The following DLC1 variants were observed in gnomAD, a reference collection of about 807,000 sequenced individuals.
DLC1 encodes the protein DLC1 Rho GTPase activating protein.
A neutral mutation model predicts 140.3 loss-of-function variants in DLC1; 54 were observed. That is an observed-to-expected ratio of 0.38 (90% CI 0.31 to 0.48). The LOEUF (loss-of-function observed/expected upper bound fraction) is 0.48. Ranked by LOEUF, DLC1 falls within the 20% of genes least tolerant of loss-of-function variation. The pLI, the probability that DLC1 is intolerant of heterozygous loss-of-function variation, is 0.96. For missense variants in DLC1, 2,536 were observed against 1,907.0 expected, an observed-to-expected ratio of 1.33 and a Z score of -6.14; for synonymous variants, 986 against 728.1, an observed-to-expected ratio of 1.35 and a Z score of -5.70.
At chr8:13,184,936 G>T (rs1826265526) in intron 5 of DLC1, among the ~76,000 whole-genome samples, 1 of 152,122 alleles carries the variant, frequency 6.6e-6, no homozygotes. Context: ...AGAGTCTAAT[G>T]CTCTTTGTAG....
At chr8:13,541,091 A>G (rs1803468974) in intron 1 of DLC1, among the ~76,000 whole-genome samples, 1 of 152,174 alleles carries the variant, frequency 6.6e-6, no homozygotes, top group Non-Finnish European at 1.5e-5. Flanking sequence ...TAAGTGTACA[A>G]TCTGTTTTTG....
In DLC1 at chr8:13,382,486, C is replaced by T. The variant is rs551113094; in HGVS notation, c.1314+11067G>A. ...TTGCGCCACTGCACTCCAGCCTGGG[C>T]GACAGCGAGACTCCGTCTCAAAAAA... On this transcript the variant is annotated intron_variant, in intron 4 of 17. Transcript: ENST00000276297. 4.7e-4 allele frequency among the ~76,000 whole-genome samples: 49 copies of T among 104,918 alleles called. 1 individual carries two copies. In the Middle Eastern group the frequency reaches 0.06, roughly 128 times the overall value. 68.8% of individuals were successfully genotyped at this position (104,918 alleles called of 152,430 possible).
intron 5 of DLC1, among the ~76,000 whole-genome samples, chr8:13,181,428 C>T (rs535222695): frequency 3.2e-3 from 480 of 150,388 alleles, no homozygotes; most frequent in African/African-American, 0.011. Context: ...TGTTGCTTTG[C>T]TGCACCCATC....
intron 2 of DLC1, among the ~76,000 whole-genome samples, chr8:13,425,322 A>G (rs530799719): frequency 1.4e-4 from 22 of 152,286 alleles, no homozygotes; most frequent in South Asian, 1.0e-3. Context: ...TTGCATATCA[A>G]TATTGATGGA....
At chr8:13,266,130 AG>A (rs1451017296) in intron 5 of DLC1, among the ~76,000 whole-genome samples, 2 of 152,248 alleles carry the variant, frequency 1.3e-5, no homozygotes, top group Admixed American at 1.3e-4. Flanking sequence ...AAAAAAAGGA[AG>A]AAAAAAAATA....
chr8:13,330,691 A>G (rs12549987), intron 4 of DLC1, among the ~76,000 whole-genome samples: 46,332 of 152,084 alleles, frequency 0.3, 7,931 homozygotes, highest in Non-Finnish European at 0.4. Context: ...AAAAACACAC[A>G]GTGAGAGGGG....
chr8:13,276,397 C>A, intron 5 of DLC1: 1 of 1,486,204 alleles, frequency 6.7e-7, no homozygotes, highest in Non-Finnish European at 8.9e-7. Flanking sequence ...TTGGGGTCCC[C>A]CATCCGCTCG....
upstream of DLC1, chr8:13,515,589 A>C (rs1201319708): frequency 6.6e-6 from 1 of 152,172 alleles, no homozygotes; most frequent in Non-Finnish European, 1.5e-5. Context: ...AGCGTTCCTG[A>C]ATCACATCTC....
intron 3 of DLC1, among the ~76,000 whole-genome samples, chr8:13,395,411 C>T (rs925739641): frequency 4.6e-5 from 7 of 152,134 alleles, no homozygotes; most frequent in South Asian, 2.1e-4. Context: ...TGAGCCACCG[C>T]ACCCAGCCTC....
At chr8:13,558,757 T>C (rs1804142459) in intron 1 of DLC1, 1 of 152,196 alleles carries the variant, frequency 6.6e-6, no homozygotes, top group Non-Finnish European at 1.5e-5. Flanking sequence ...GTCCATCTGA[T>C]GCCATTCTTT....
intron 5 of DLC1, among the ~76,000 whole-genome samples, chr8:13,132,704 C>A (rs565284291): frequency 8.5e-4 from 130 of 152,298 alleles, no homozygotes; most frequent in African/African-American, 2.7e-3. Context: ...CGCTGGCCCG[C>A]GGTCCCCAGG....
intron 5 of DLC1, among the ~76,000 whole-genome samples, chr8:13,269,059 G>C (rs1036383670): frequency 6.6e-6 from 1 of 151,816 alleles, no homozygotes; most frequent in East Asian, 1.9e-4. Context: ...ATTTTTAGTA[G>C]AGACGGGGTT....
chr8:13,537,699 G>A (rs1008060911), intron 1 of DLC1, among the ~76,000 whole-genome samples: 5 of 139,572 alleles, frequency 3.6e-5, no homozygotes, highest in Non-Finnish European at 7.5e-5. Flanking sequence ...TGTCACCCAG[G>A]CTAGAATGCA....
chr8:13,209,673 C>T (rs149909739), intron 5 of DLC1, among the ~76,000 whole-genome samples: 3 of 152,088 alleles, frequency 2.0e-5, no homozygotes, highest in Admixed American at 6.6e-5. Context: ...GTACTGTCCT[C>T]GTGATAGTCA....
chr8:13,588,539 G>C (rs1805409619), intron 1 of DLC1, among the ~76,000 whole-genome samples: 1 of 151,866 alleles, frequency 6.6e-6, no homozygotes, highest in Admixed American at 6.6e-5. Flanking sequence ...ATAGCCTGGG[G>C]GTACAGCATG....
At chr8:13,566,988 T>G (rs1433197459) in intron 1 of DLC1, 1 of 1,540,076 alleles carries the variant, frequency 6.5e-7, no homozygotes, top group Non-Finnish European at 8.8e-7. Context: ...CCTGATGCAT[T>G]GTGATGGCCA....
chr8:13,369,652 A>G (rs1835644062), intron 4 of DLC1, among the ~76,000 whole-genome samples: 1 of 152,132 alleles, frequency 6.6e-6, no homozygotes, highest in Non-Finnish European at 1.5e-5. Context: ...TCCCTTAAAA[A>G]TACATCTAGA....
intron 5 of DLC1, among the ~76,000 whole-genome samples, chr8:13,175,390 T>G (rs115252050): frequency 3.8e-4 from 58 of 152,130 alleles, no homozygotes; most frequent in African/African-American, 1.4e-3. Flanking sequence ...TTTTTCTAAT[T>G]TTGTGAAAAA....
At chr8:13,173,623 G>C (rs1008887877) in intron 5 of DLC1, among the ~76,000 whole-genome samples, 2 of 152,138 alleles carry the variant, frequency 1.3e-5, no homozygotes, top group Non-Finnish European at 2.9e-5. Context: ...GCCCACCTTG[G>C]CCTTCCAAAG....
Sources: gnomAD v4.1 joint callset for allele counts (sites outside exome capture counted in the v4.1 genomes callset) on GRCh38, gnomAD v4.1.1 for gene constraint, MANE v1.5 for transcripts, NCBI Gene and HGNC (gene_info 2026-07-23, HGNC 2026-07-21) for gene names.